Variants in CNTN4 observed in about 807,000 individuals in gnomAD.
CNTN4 encodes the protein contactin-4.
In CNTN4, 77 loss-of-function variants were observed where a neutral mutation model predicts 122.5. The observed-to-expected ratio is 0.63, with a 90% CI of 0.52 to 0.76. The LOEUF is 0.76. Ranked by LOEUF, CNTN4 falls within the 30% of genes least tolerant of loss-of-function variation. The probability of loss-of-function intolerance (pLI) is 0.00; values close to 1 mark genes in which losing one functional copy is unlikely to be tolerated. For synonymous variants in CNTN4, 512 were observed against 447.0 expected (o/e 1.15, Z -1.83); for missense variants, 1,256 against 1,259.1 (o/e 1.00, Z 0.04).
At chr3:2,571,252 A>G (rs2079408075) in intron 3 of CNTN4, 164 bp from the exon 4 acceptor site, 1 of 547,936 alleles carries the variant, frequency 1.8e-6, no homozygotes, top group South Asian at 2.1e-5. Flanking sequence ...AAAAAATAGG[A>G]GTCTTATTAG....
At chr3:2,312,420 T>G (rs1169071895) in intron 2 of CNTN4, among the ~76,000 whole-genome samples, 3 of 152,124 alleles carry the variant, frequency 2.0e-5, no homozygotes, top group African/African-American at 4.8e-5. Context: ...TTGCATTTAT[T>G]TTTGCTGTTA....
At chr3:2,289,287 T>C (rs1215910596) in intron 2 of CNTN4, among the ~76,000 whole-genome samples, 1 of 152,176 alleles carries the variant, frequency 6.6e-6, no homozygotes, top group Non-Finnish European at 1.5e-5. Flanking sequence ...CTAAATGTCA[T>C]TTGGGACTTT....
At chr3:2,521,164 A>G (rs2077198469) in intron 3 of CNTN4, among the ~76,000 whole-genome samples, 1 of 152,096 alleles carries the variant, frequency 6.6e-6, no homozygotes, top group Non-Finnish European at 1.5e-5. Flanking sequence ...TATGAAGTGG[A>G]TGAACAAAAG....
intron 2 of CNTN4, among the ~76,000 whole-genome samples, chr3:2,178,084 G>T (rs2036836924): frequency 6.6e-6 from 1 of 152,046 alleles, no homozygotes; most frequent in South Asian, 2.1e-4. Flanking sequence ...GCTAGGACCT[G>T]TGAAATTCTG....
At chr3:2,440,143 T>TA (rs1559554327) in intron 3 of CNTN4, among the ~76,000 whole-genome samples, 1 of 152,194 alleles carries the variant, frequency 6.6e-6, no homozygotes, top group African/African-American at 2.4e-5. Flanking sequence ...TCACTTTTTT[T>TA]AAAAAATTAT....
intron 10 of CNTN4, among the ~76,000 whole-genome samples, chr3:2,889,257 T>C (rs2094011583): frequency 6.6e-6 from 1 of 152,144 alleles, no homozygotes; most frequent in Non-Finnish European, 1.5e-5. Flanking sequence ...ACACACAGAG[T>C]TGTAGAAAGT....
chr3:2,237,808 C>T (rs57329089), intron 2 of CNTN4, among the ~76,000 whole-genome samples: 1 of 152,076 alleles, frequency 6.6e-6, no homozygotes, highest in African/African-American at 2.4e-5. Context: ...TCAAGTGAGA[C>T]AGTTTGACTT....
chr3:2,425,453 A>G (rs2047787924), intron 3 of CNTN4, among the ~76,000 whole-genome samples: 1 of 152,158 alleles, frequency 6.6e-6, no homozygotes, highest in South Asian at 2.1e-4. Flanking sequence ...TACCAGTACC[A>G]TGCTGTTTTG....
chr3:2,793,516 C>A (rs574585021), intron 6 of CNTN4, among the ~76,000 whole-genome samples: 1 of 151,950 alleles, frequency 6.6e-6, no homozygotes, highest in African/African-American at 2.4e-5. Flanking sequence ...TGAAATATGA[C>A]GTGGTTTTGG....
chr3:3,053,703 A>C, intron 23 of CNTN4, 104 bp from the exon 24 acceptor site: 5 of 1,157,462 alleles, frequency 4.3e-6, no homozygotes, highest in Non-Finnish European at 6.5e-6. Context: ...CAACCTCTAC[A>C]TCCCTGCATT....
chr3:3,026,455 G>C (rs1046245533), intron 15 of CNTN4, among the ~76,000 whole-genome samples, 178 bp downstream of exon 15: 18 of 152,036 alleles, frequency 1.2e-4, no homozygotes, highest in African/African-American at 4.1e-4. Flanking sequence ...ACTCTATATG[G>C]CAGGACTGCT....
chr3:2,965,762 C>G (rs1475536395), intron 13 of CNTN4, among the ~76,000 whole-genome samples: 1 of 152,138 alleles, frequency 6.6e-6, no homozygotes, highest in African/African-American at 2.4e-5. Flanking sequence ...TTTCTGAACC[C>G]ACCAGCCCCG....
At chr3:2,606,008 G>C (rs1238835399) in intron 4 of CNTN4, among the ~76,000 whole-genome samples, 1 of 152,186 alleles carries the variant, frequency 6.6e-6, no homozygotes, top group Non-Finnish European at 1.5e-5. Context: ...AGAGGACTGA[G>C]ATGTGAAGTG....
At chr3:2,472,568 C>A (rs527797181) in intron 3 of CNTN4, among the ~76,000 whole-genome samples, 1 of 152,018 alleles carries the variant, frequency 6.6e-6, no homozygotes, top group Non-Finnish European at 1.5e-5. Flanking sequence ...ACATGGTAAG[C>A]AAGATTATTT....
chr3:2,689,781 A>G (rs2085628398), intron 4 of CNTN4, among the ~76,000 whole-genome samples: 1 of 152,092 alleles, frequency 6.6e-6, no homozygotes, highest in Non-Finnish European at 1.5e-5. Flanking sequence ...TCTCCTATAC[A>G]CCACAATACG....
intron 18 of CNTN4, 25 bp downstream of exon 18, chr3:3,037,353 C>A (rs778210582): frequency 6.2e-7 from 1 of 1,614,044 alleles, no homozygotes; most frequent in Non-Finnish European, 8.5e-7. Context: ...AGATTCAGAT[C>A]ATCTGTTCTG....
chr3:2,276,510 A>C (rs1420323723), intron 2 of CNTN4, among the ~76,000 whole-genome samples: 1 of 151,996 alleles, frequency 6.6e-6, no homozygotes, highest in African/African-American at 2.4e-5. Context: ...AAAATTTGTC[A>C]TGCTGGGTCA....
intron 3 of CNTN4, among the ~76,000 whole-genome samples, chr3:2,549,393 A>C (rs949891752): frequency 2.0e-5 from 3 of 152,128 alleles, no homozygotes; most frequent in African/African-American, 7.2e-5. Flanking sequence ...TACTTTATTG[A>C]GAGTTTTTAG....
chr3:2,293,741 G>A (rs1288669743), intron 2 of CNTN4, among the ~76,000 whole-genome samples: 1 of 152,138 alleles, frequency 6.6e-6, no homozygotes, highest in Non-Finnish European at 1.5e-5. Flanking sequence ...CATATTGATA[G>A]AATATTAATT....
Sources: allele counts gnomAD v4.1 joint callset (sites outside exome capture counted in the v4.1 genomes callset), GRCh38; gene constraint gnomAD v4.1.1; transcripts MANE v1.5; gene names NCBI Gene and HGNC (gene_info 2026-07-23, HGNC 2026-07-21).